The following PTBP3 variants were observed in gnomAD, a reference collection of about 807,000 sequenced individuals.
PTBP3 encodes the protein polypyrimidine tract-binding protein 3.
A neutral mutation model predicts 58.7 loss-of-function variants in PTBP3; 20 were observed. That is an observed-to-expected ratio of 0.34 (90% CI 0.24 to 0.50). The LOEUF (loss-of-function observed/expected upper bound fraction) is 0.50. Among genes scored for constraint, PTBP3 ranks in the 20% least tolerant of loss-of-function variants. PTBP3 has a pLI of 0.98. For missense variants in PTBP3, 509 were observed against 637.2 expected, an observed-to-expected ratio of 0.80 and a Z score of 2.17; for synonymous variants, 185 against 219.8, an observed-to-expected ratio of 0.84 and a Z score of 1.40.
chr9:112,256,222 C>T (rs897723973), intron 5 of PTBP3, among the ~76,000 whole-genome samples: 2 of 145,576 alleles, frequency 1.4e-5, no homozygotes, highest in East Asian at 4.0e-4. Context: ...CCATTGCACT[C>T]CAACCTGGGC....
At chr9:112,249,462 T>C (rs976378186) in intron 7 of PTBP3, among the ~76,000 whole-genome samples, 1 of 152,048 alleles carries the variant, frequency 6.6e-6, no homozygotes, top group Non-Finnish European at 1.5e-5. Context: ...GAGAGTGGTG[T>C]TTCAGAGGCC....
chr9:112,220,945 A>G lies in PTBP3; in HGVS notation c.*2906T>C, dbSNP rs1053942450. 2.1e-6 allele frequency: 2 copies of G among 963,418 alleles called. No homozygotes were observed. The highest frequency in any genetic ancestry group is 3.5e-5 in the African/African-American group (2 of 56,792). 59.7% of individuals were successfully genotyped at this position (963,418 alleles called of 1,614,324 possible). A position where few individuals can be genotyped will look rare whatever the true frequency, so the allele number is the denominator to read the frequency against. On this transcript the variant is annotated 3_prime_UTR_variant, in exon 14 of 14. Transcript: ENST00000374257. ...ACCATTGCTAGAAGATACTGAATAA[A>G]TGCATGCCAAAACAGAGATACACAG...
intron 2 of PTBP3, 45 bp downstream of exon 2, chr9:112,297,787 T>A (rs1276110531): frequency 1.3e-5 from 18 of 1,429,522 alleles, no homozygotes; most frequent in Non-Finnish European, 1.6e-5. Flanking sequence ...AAAAACAATT[T>A]GAAACCCACA....
upstream of PTBP3, among the ~76,000 whole-genome samples, chr9:112,334,186 T>C (rs1371112312): frequency 6.6e-6 from 1 of 151,880 alleles, no homozygotes; most frequent in African/African-American, 2.4e-5. Flanking sequence ...ACCAGCCCCA[T>C]AGGTGTGGCT....
chr9:112,248,338 T>C (rs989691594), intron 7 of PTBP3, among the ~76,000 whole-genome samples: 13 of 151,814 alleles, frequency 8.6e-5, no homozygotes, highest in Admixed American at 8.5e-4. Context: ...TACAACTAAG[T>C]AAGAAAAAAA....
the PTBP3 span, chr9:112,363,060 C>T: frequency 5.6e-6 from 1 of 177,328 alleles, no homozygotes; most frequent in Non-Finnish European, 1.2e-5. Flanking sequence ...GGCAGCCCAG[C>T]TGGCCATCAG....
At chr9:112,334,051 G>A (rs1410133928), upstream of PTBP3, among the ~76,000 whole-genome samples, 1 of 151,924 alleles carries the variant, frequency 6.6e-6, no homozygotes, top group Non-Finnish European at 1.5e-5. Context: ...CCAAGAGTAG[G>A]AAGGAATGTC....
chr9:112,376,534 A>G, the PTBP3 span, among the ~76,000 whole-genome samples: 1,588 of 151,986 alleles, frequency 0.01, 66 homozygotes, highest in East Asian at 0.081. Context: ...TTACAGGCAT[A>G]AGCCACCGCG....
chr9:112,232,333 C>A (rs979324005), intron 8 of PTBP3, 95 bp from the exon 9 acceptor site: 6 of 1,261,058 alleles, frequency 4.8e-6, no homozygotes, highest in Admixed American at 2.8e-5. Context: ...AGGAAAACTA[C>A]AGAAAGAAAA....
At chr9:112,279,719 C>G (rs917435178) in intron 2 of PTBP3, among the ~76,000 whole-genome samples, 1 of 152,022 alleles carries the variant, frequency 6.6e-6, no homozygotes, top group African/African-American at 2.4e-5. Context: ...AAATGAGGTA[C>G]CTATTTGGGG....
intron 2 of PTBP3, among the ~76,000 whole-genome samples, chr9:112,289,064 C>T (rs1178121579): frequency 2.0e-5 from 3 of 152,210 alleles, no homozygotes; most frequent in Non-Finnish European, 4.4e-5. Flanking sequence ...GGACTACATT[C>T]TTAGCTTCCT....
chr9:112,309,584 G>T (rs1004721873), intron 1 of PTBP3, among the ~76,000 whole-genome samples: 2 of 152,068 alleles, frequency 1.3e-5, no homozygotes, highest in African/African-American at 4.8e-5. Flanking sequence ...TCAGGAGTTT[G>T]AGACCAGTCT....
At chr9:112,325,302 G>C (rs1323434424) in intron 1 of PTBP3, among the ~76,000 whole-genome samples, 1 of 152,164 alleles carries the variant, frequency 6.6e-6, no homozygotes, top group Non-Finnish European at 1.5e-5. Context: ...TCAACGTGGA[G>C]CGGCTCAGAC....
the PTBP3 span, among the ~76,000 whole-genome samples, chr9:112,350,069 AT>A: frequency 1.3e-5 from 2 of 151,674 alleles, no homozygotes; most frequent in Admixed American, 6.6e-5. Context: ...CCATTTAAAG[AT>A]TTTTAAATTT....
At chr9:112,373,209 T>C in the PTBP3 span, among the ~76,000 whole-genome samples, 1 of 152,094 alleles carries the variant, frequency 6.6e-6, no homozygotes, top group Non-Finnish European at 1.5e-5. Context: ...ATGAGTTTAT[T>C]AAGTATTAAC....
intron 3 of PTBP3, among the ~76,000 whole-genome samples, chr9:112,270,639 T>C (rs1310898375): frequency 6.6e-6 from 1 of 152,210 alleles, no homozygotes; most frequent in Non-Finnish European, 1.5e-5. Flanking sequence ...GACAGCATTA[T>C]CTTAAGTTAC....
chr9:112,220,419 T>C lies in PTBP3; in HGVS notation c.*3432A>G. ...AATAAAAAGAAATTGAGCAGAGGCA[T>C]TCATAGGAGCCACTTCTCATCAACT... On this transcript the variant is annotated 3_prime_UTR_variant, in exon 14 of 14. Transcript: ENST00000374257. 1 of 1,187,182 alleles carries C rather than the reference T, an allele frequency of 8.4e-7. No individual in the cohort carries two copies. The highest frequency in any genetic ancestry group is 1.1e-6 in the Non-Finnish European group (1 of 942,804). 73.5% of individuals were successfully genotyped at this position (1,187,182 alleles called of 1,614,324 possible).
At chr9:112,245,720 G>C (rs1231544878) in intron 7 of PTBP3, among the ~76,000 whole-genome samples, 1 of 152,168 alleles carries the variant, frequency 6.6e-6, no homozygotes, top group Non-Finnish European at 1.5e-5. Context: ...AATATCTAGT[G>C]CTAGAAAGAA....
Position 112,228,485 on chromosome 9 carries a change from AAAC to A in PTBP3, c.1055-16_1055-14del, listed in dbSNP as rs1835075799. On this transcript the variant is annotated splice_polypyrimidine_tract_variant and intron_variant, in intron 10 of 13. Coordinates refer to ENST00000374257, the MANE Select transcript of PTBP3 (RefSeq NM_001163788.4). ...TCACCATAGACTCCTAATTAAAACAAAACAAAACACTGTGTTTAACGTCTGATT... is the reference window on the plus strand; with the variant it reads ...TCACCATAGACTCCTAATTAAAACAAAAAACACTGTGTTTAACGTCTGATT... 6.6e-7 allele frequency: 1 copy of A among 1,506,596 alleles called. No individual in the cohort carries two copies. Among genetic ancestry groups the A allele is most frequent in the Admixed American group, 2.1e-5 (1 of 48,396 alleles). The allele number at this position is 1,506,596 out of a possible 1,614,324, so 93.3% of individuals were successfully genotyped here.
Sources: gnomAD v4.1 joint callset for allele counts (sites outside exome capture counted in the v4.1 genomes callset) on GRCh38, gnomAD v4.1.1 for gene constraint, MANE v1.5 for transcripts, NCBI Gene and HGNC (gene_info 2026-07-23, HGNC 2026-07-21) for gene names.